EHMT1: variants seen among roughly 807,000 people sequenced by gnomAD.
The protein encoded by EHMT1 is histone-lysine N-methyltransferase EHMT1.
In EHMT1, 15 loss-of-function variants were observed where a neutral mutation model predicts 147.2. The observed-to-expected ratio is 0.10, with a 90% CI of 0.07 to 0.16. EHMT1 has a LOEUF of 0.16. Ranked by LOEUF, EHMT1 falls within the 10% of genes least tolerant of loss-of-function variation. The probability of loss-of-function intolerance (pLI) is 1.00; values close to 1 mark genes in which losing one functional copy is unlikely to be tolerated. For synonymous variants in EHMT1, 795 were observed against 709.6 expected (o/e 1.12, Z -1.91); for missense variants, 1,587 against 1,772.4 (o/e 0.90, Z 1.88).
intron 1 of EHMT1, among the ~76,000 whole-genome samples, chr9:137,645,485 C>T (rs956541692): frequency 6.6e-5 from 10 of 152,260 alleles, no homozygotes; most frequent in African/African-American, 2.4e-4. Flanking sequence ...CTGCCTTGTA[C>T]TTACAGAAGC....
chr9:137,658,715 C>T (rs765805420), intron 1 of EHMT1, among the ~76,000 whole-genome samples: 2 of 151,660 alleles, frequency 1.3e-5, no homozygotes, highest in African/African-American at 4.8e-5. Context: ...CAGGCTCAAG[C>T]GATTTTCCCA....
chr9:137,621,779 G>A (rs990113291), intron 1 of EHMT1, among the ~76,000 whole-genome samples: 5 of 152,004 alleles, frequency 3.3e-5, no homozygotes, highest in African/African-American at 1.2e-4. Context: ...TCAGCAAAAC[G>A]TCACCTTCCA....
intron 1 of EHMT1, among the ~76,000 whole-genome samples, chr9:137,662,497 T>C (rs1378918326): frequency 1.3e-5 from 2 of 152,028 alleles, no homozygotes; most frequent in East Asian, 3.9e-4. Context: ...CATCGCACCT[T>C]GCCTAGAATT....
chr9:137,659,614 G>A (rs1420145736), intron 1 of EHMT1, among the ~76,000 whole-genome samples: 1 of 151,026 alleles, frequency 6.6e-6, no homozygotes, highest in African/African-American at 2.4e-5. Flanking sequence ...TGCAGTGGGT[G>A]CAATCATGGT....
At chr9:137,645,033 C>T (rs748485962) in intron 1 of EHMT1, among the ~76,000 whole-genome samples, 53 of 152,068 alleles carry the variant, frequency 3.5e-4, no homozygotes, top group African/African-American at 1.2e-3. Flanking sequence ...TCACCACGCC[C>T]GGCTAATTTT....
chr9:137,834,236 GCGGGCCTGCGC>G lies in EHMT1; in HGVS notation c.3541-111_3541-101del, dbSNP rs1447197467. On this transcript the variant is annotated intron_variant, in intron 25 of 26. Transcript: ENST00000460843. ...CACTGGAGAAGGCCCCTCCTGCATG[GCGGGCCTGCGC>G]CCAACTGCAGGCTCCGGGACTGCCA... The G allele has an allele frequency of 5.8e-6, 8 of 1,383,748 alleles. No homozygotes were observed. The Admixed American group carries it at 1.4e-4, about 24-fold the overall frequency. 85.7% of individuals were successfully genotyped at this position (1,383,748 alleles called of 1,614,324 possible).
At chr9:137,659,970 G>A (rs968788609) in intron 1 of EHMT1, among the ~76,000 whole-genome samples, 1 of 152,064 alleles carries the variant, frequency 6.6e-6, no homozygotes. Flanking sequence ...TTTTTGGCAT[G>A]TAATTGACCT....
intron 5 of EHMT1, 128 bp downstream of exon 5, chr9:137,743,656 C>G: frequency 5.0e-6 from 7 of 1,402,406 alleles, no homozygotes; most frequent in Non-Finnish European, 6.0e-6. Context: ...AGCTCCTCTG[C>G]CATAGGGGCA....
intron 1 of EHMT1, among the ~76,000 whole-genome samples, chr9:137,626,835 G>C (rs1004552112): frequency 5.3e-5 from 8 of 151,650 alleles, no homozygotes; most frequent in African/African-American, 1.7e-4. Context: ...GCCCAGGCTG[G>C]AGTGCAGTGG....
At chr9:137,629,629 G>A (rs1843491953) in intron 1 of EHMT1, among the ~76,000 whole-genome samples, 1 of 152,054 alleles carries the variant, frequency 6.6e-6, no homozygotes, top group African/African-American at 2.4e-5. Flanking sequence ...TCCTGACCTC[G>A]TGATCTGCCC....
At chr9:137,710,243 G>A (rs545166579) in intron 1 of EHMT1, among the ~76,000 whole-genome samples, 1 of 152,132 alleles carries the variant, frequency 6.6e-6, no homozygotes, top group East Asian at 1.9e-4. Context: ...AGGCTGAGGC[G>A]GGCGGATCAC....
chr9:137,725,559 C>T (rs1286612279), intron 3 of EHMT1, among the ~76,000 whole-genome samples: 2 of 152,212 alleles, frequency 1.3e-5, no homozygotes, highest in African/African-American at 4.8e-5. Context: ...GGAGCTGTGG[C>T]CACTAGAATG....
intron 1 of EHMT1, among the ~76,000 whole-genome samples, chr9:137,669,349 CCCAAGACGCTCCCACAGCACGTGCACTG>C (rs1940168525): frequency 1.5e-5 from 2 of 136,110 alleles, no homozygotes; most frequent in Non-Finnish European, 3.2e-5. Flanking sequence ...CCCCACACCA[CCCAAGACGCTCCCACAGCACGTGCACTG>C]GACTCCACCC....
chr9:137,750,092 TC>T, intron 6 of EHMT1, among the ~76,000 whole-genome samples: 1 of 152,194 alleles, frequency 6.6e-6, no homozygotes, highest in East Asian at 1.9e-4. Flanking sequence ...ATCTGAAACA[TC>T]TAGCAAAATC....
chr9:137,709,858 C>T (rs2135363166), intron 1 of EHMT1, among the ~76,000 whole-genome samples: 1 of 152,196 alleles, frequency 6.6e-6, no homozygotes, highest in East Asian at 1.9e-4. Context: ...GGCTTCCTGC[C>T]CACTTCCAGC....
In EHMT1 at chr9:137,641,630, G is replaced by A. The variant is rs559663842; in HGVS notation, c.21+22581G>A. 2.4e-5 allele frequency: 6 copies of A among 245,640 alleles called. No homozygotes were observed. In the East Asian group the frequency reaches 8.2e-4, roughly 34 times the overall value. 15.2% of individuals were successfully genotyped at this position (245,640 alleles called of 1,614,324 possible). A position where few individuals can be genotyped will look rare whatever the true frequency, so the allele number is the denominator to read the frequency against. ...CTTGCTAAGCCTGTTTCTGAAGCCT[G>A]TTTTGTGCTGTGCTTCCTCGTGGGC... On this transcript the variant is annotated intron_variant, in intron 1 of 26. Transcript: ENST00000460843.
chr9:137,654,435 CTG>C (rs1938217888), intron 1 of EHMT1, among the ~76,000 whole-genome samples: 1 of 143,490 alleles, frequency 7.0e-6, no homozygotes, highest in African/African-American at 2.6e-5. Flanking sequence ...ATATGTGAGT[CTG>C]TTTCTGAACT....
At chr9:137,814,723 T>A in intron 22 of EHMT1, 1 of 638,264 alleles carries the variant, frequency 1.6e-6, no homozygotes, top group Non-Finnish European at 2.8e-6. Flanking sequence ...TCCCTGGGGC[T>A]GGGGTCTGCA....
intron 1 of EHMT1, among the ~76,000 whole-genome samples, chr9:137,669,926 C>T (rs926448194): frequency 6.6e-6 from 1 of 152,122 alleles, no homozygotes; most frequent in Non-Finnish European, 1.5e-5. Flanking sequence ...TCTCGGCTCT[C>T]TGCAACCTCT....
Sources: allele counts gnomAD v4.1 joint callset (sites outside exome capture counted in the v4.1 genomes callset), GRCh38; gene constraint gnomAD v4.1.1; transcripts MANE v1.5; gene names NCBI Gene and HGNC (gene_info 2026-07-23, HGNC 2026-07-21).